The following SIPA1L3 variants were observed in gnomAD, a reference collection of about 807,000 sequenced individuals.
SIPA1L3 encodes signal-induced proliferation-associated 1-like protein 3.
Under a neutral mutation model 150.1 loss-of-function variants are expected in SIPA1L3, and 59 were observed. The ratio of observed to expected loss-of-function variants is 0.39; its 90% CI spans 0.32 to 0.49. The LOEUF (loss-of-function observed/expected upper bound fraction) is 0.49. Ranked by LOEUF, SIPA1L3 falls within the 20% of genes least tolerant of loss-of-function variation. The pLI, the probability that SIPA1L3 is intolerant of heterozygous loss-of-function variation, is 0.86. For missense variants in SIPA1L3, 2,211 were observed against 2,489.5 expected, an observed-to-expected ratio of 0.89 and a Z score of 2.38; for synonymous variants, 1,070 against 1,077.6, an observed-to-expected ratio of 0.99 and a Z score of 0.14.
chr19:38,000,899 T>TATATATATAAC (rs1373497114), intron 1 of SIPA1L3, among the ~76,000 whole-genome samples: 5 of 103,234 alleles, frequency 4.8e-5, no homozygotes, highest in Admixed American at 1.1e-4. Context: ...ATATGTTATA[T>TATATATATAAC]ATATATATAT....
chr19:38,166,465 A>AG (rs1183129559), intron 15 of SIPA1L3, among the ~76,000 whole-genome samples: 1 of 151,968 alleles, frequency 6.6e-6, no homozygotes, highest in Non-Finnish European at 1.5e-5. Flanking sequence ...CAAAAAAAAA[A>AG]AAAAGAAAAG....
At chr19:38,070,789 A>T (rs554256325) in intron 2 of SIPA1L3, among the ~76,000 whole-genome samples, 5 of 152,344 alleles carry the variant, frequency 3.3e-5, no homozygotes, top group South Asian at 4.1e-4. Flanking sequence ...GAGTCACTGG[A>T]TGCATGCCTG....
At chr19:37,912,183 G>A (rs1294184005) in intron 1 of SIPA1L3, among the ~76,000 whole-genome samples, 1 of 151,946 alleles carries the variant, frequency 6.6e-6, no homozygotes, top group Non-Finnish European at 1.5e-5. Flanking sequence ...GGTGCAGTGA[G>A]CCGAGATTGT....
At chr19:38,132,192 T>C in intron 10 of SIPA1L3, among the ~76,000 whole-genome samples, 1 of 152,150 alleles carries the variant, frequency 6.6e-6, no homozygotes, top group East Asian at 1.9e-4. Context: ...GGAGCCATGA[T>C]TGTGCCACTG....
rs536811766 is a variant in SIPA1L3 at position 37,958,716 on chromosome 19, T to A, written c.-379+51358T>A. 3.5e-4 allele frequency among the ~76,000 whole-genome samples: 54 copies of A among 152,276 alleles called. No homozygotes were observed. The Middle Eastern group carries it at 0.01, about 29-fold the overall frequency. On this transcript the variant is annotated intron_variant, in intron 1 of 21. Coordinates refer to ENST00000222345, the MANE Select transcript of SIPA1L3 (RefSeq NM_015073.3). The stretch of plus-strand genomic sequence containing the variant: ...GGACTTCATGAAAATTTAAAACTTT[T>A]GTGATGCAAAGGATGCCATCAAGAA...
intron 15 of SIPA1L3, among the ~76,000 whole-genome samples, chr19:38,178,086 GGTGTGTGTGTGTGTGTGTGTGT>G (rs765404105): frequency 0.054 from 7,047 of 130,992 alleles, 561 homozygotes; most frequent in African/African-American, 0.19. Flanking sequence ...GCAGGCTTTT[GGTGTGTGTGTGTGTGTGTGTGT>G]GTGTGTGTGT....
At chr19:38,142,526 A>G (rs1971613093) in intron 11 of SIPA1L3, 47 bp from the exon 12 acceptor site, 1 of 1,557,052 alleles carries the variant, frequency 6.4e-7, no homozygotes, top group Non-Finnish European at 8.8e-7. Context: ...GGGCAGGGGT[A>G]CCCTCCTACT....
intron 9 of SIPA1L3, among the ~76,000 whole-genome samples, chr19:38,122,146 G>T (rs959111518): frequency 1.3e-5 from 2 of 151,994 alleles, no homozygotes; most frequent in African/African-American, 4.8e-5. Context: ...GCTTGAATCC[G>T]AGAGGCAGAG....
chr19:38,079,257 C>T (rs1327351017), intron 2 of SIPA1L3, among the ~76,000 whole-genome samples: 1 of 152,166 alleles, frequency 6.6e-6, no homozygotes, highest in East Asian at 1.9e-4. Context: ...GGCGTGAACC[C>T]AGGAGGCGGA....
intron 1 of SIPA1L3, among the ~76,000 whole-genome samples, chr19:37,929,613 C>G (rs1367707174): frequency 1.3e-5 from 2 of 152,106 alleles, no homozygotes; most frequent in African/African-American, 2.4e-5. Flanking sequence ...AGCACTCACT[C>G]ACTCTGCCCA....
chr19:38,034,128 C>T (rs78974876), intron 2 of SIPA1L3, among the ~76,000 whole-genome samples: 2,262 of 152,254 alleles, frequency 0.015, 16 homozygotes, highest in Non-Finnish European at 0.024. Context: ...CATAGCCTCC[C>T]CTAGCTCCAA....
intron 1 of SIPA1L3, among the ~76,000 whole-genome samples, chr19:37,925,048 CAAAAA>C: frequency 1.2e-5 from 1 of 84,292 alleles, no homozygotes; most frequent in African/African-American, 4.3e-5. Context: ...GACTCTGTCT[CAAAAA>C]AAAAAAAAAA....
At chr19:37,941,674 G>A (rs1220920545) in intron 1 of SIPA1L3, among the ~76,000 whole-genome samples, 1 of 152,138 alleles carries the variant, frequency 6.6e-6, no homozygotes, top group Non-Finnish European at 1.5e-5. Flanking sequence ...TGAGACTGTG[G>A]ACATTCCCAT....
At chr19:38,039,555 G>T (rs569428194) in intron 2 of SIPA1L3, among the ~76,000 whole-genome samples, 1 of 151,816 alleles carries the variant, frequency 6.6e-6, no homozygotes, top group African/African-American at 2.4e-5. Flanking sequence ...TTAGCCTGAC[G>T]TGGTGGCACG....
chr19:38,101,663 A>T (rs1970506813), intron 6 of SIPA1L3, among the ~76,000 whole-genome samples: 2 of 152,118 alleles, frequency 1.3e-5, no homozygotes, highest in African/African-American at 4.8e-5. Context: ...CACCCACCTC[A>T]GCCTCTCAAA....
rs866899788 is a variant in SIPA1L3 at position 38,085,861 on chromosome 19, T to C, written c.1534+2762T>C. Reference sequence around the variant, plus strand: ...AAATACAAAAATTAGCTGGGCGTGGTGGCGGGTGCCTGTAATCCCAGCTAC... The same window carrying C: ...AAATACAAAAATTAGCTGGGCGTGGCGGCGGGTGCCTGTAATCCCAGCTAC... On this transcript the variant is annotated intron_variant, in intron 3 of 21. Transcript: ENST00000222345. 7.9e-5 allele frequency among the ~76,000 whole-genome samples: 12 copies of C among 152,208 alleles called. No homozygotes were observed. In the Middle Eastern group the frequency reaches 0.014, roughly 173 times the overall value.
At chr19:38,140,594 C>T (rs1026459940) in intron 10 of SIPA1L3, among the ~76,000 whole-genome samples, 4 of 152,012 alleles carry the variant, frequency 2.6e-5, no homozygotes, top group Non-Finnish European at 5.9e-5. Context: ...TGGCCTGGGT[C>T]AGGTAGAAGC....
At chr19:38,035,717 AATGAGATGATGATG>A (rs1181417244) in intron 2 of SIPA1L3, among the ~76,000 whole-genome samples, 1 of 151,994 alleles carries the variant, frequency 6.6e-6, no homozygotes, top group African/African-American at 2.4e-5. Flanking sequence ...AATAGATGAT[AATGAGATGATGATG>A]ATGAGATGAT....
rs186207336 is a variant in SIPA1L3 at position 38,166,497 on chromosome 19, G to A, written c.4208+1591G>A. Reference sequence around the variant, plus strand: ...AAAGAAAAGAAAAGCAGGAATTGGCGAGCCAGCAGCCTAGAGTCCCGACCA... The same window carrying A: ...AAAGAAAAGAAAAGCAGGAATTGGCAAGCCAGCAGCCTAGAGTCCCGACCA... On this transcript the variant is annotated intron_variant, in intron 15 of 21. Transcript: ENST00000222345. Among the ~76,000 whole-genome samples, 183 of 151,948 alleles carry A rather than the reference G, an allele frequency of 1.2e-3. 1 individual carries two copies. Among genetic ancestry groups the A allele is most frequent in the Middle Eastern group, 3.4e-3 (1 of 294 alleles).
Sources: gnomAD v4.1 joint callset for allele counts (sites outside exome capture counted in the v4.1 genomes callset) on GRCh38, gnomAD v4.1.1 for gene constraint, MANE v1.5 for transcripts, NCBI Gene and HGNC (gene_info 2026-07-23, HGNC 2026-07-21) for gene names.